Variants in TMEM182 observed in about 807,000 individuals in gnomAD.
The protein encoded by TMEM182 is transmembrane protein 182.
TMEM182 carries 20 observed loss-of-function variants against 26.8 expected under a neutral mutation model. The observed-to-expected ratio is 0.75, with a 90% CI of 0.53 to 1.09. The LOEUF is 1.09. TMEM182 is among the 50% of genes least tolerant of loss of function. The probability of loss-of-function intolerance (pLI) is 0.00; values close to 1 mark genes in which losing one functional copy is unlikely to be tolerated. For missense variants in TMEM182, 277 were observed against 275.5 expected (o/e 1.01, Z -0.04); for synonymous variants, 109 against 102.2 (o/e 1.07, Z -0.40).
At chr2:102,758,434 A>G (rs2104649681), upstream of TMEM182, 1 of 716,526 alleles carries the variant, frequency 1.4e-6, no homozygotes, top group East Asian at 2.7e-5. Context: ...GCAAATGTCC[A>G]ATTTTCTGAA....
chr2:102,756,831 T>G (rs1173290019), intron 1 of TMEM182, among the ~76,000 whole-genome samples: 1 of 151,850 alleles, frequency 6.6e-6, no homozygotes. Context: ...CCTTTTTTTT[T>G]GAGAGGGAGT....
At chr2:102,784,544 G>A (rs1681308764) in intron 3 of TMEM182, among the ~76,000 whole-genome samples, 1 of 152,142 alleles carries the variant, frequency 6.6e-6, no homozygotes, top group Non-Finnish European at 1.5e-5. Context: ...CCCAAGAGGG[G>A]GGTTTTTGGG....
chr2:102,842,985 C>A (rs1213552197), intron 3 of TMEM182, among the ~76,000 whole-genome samples: 1 of 152,134 alleles, frequency 6.6e-6, no homozygotes, highest in East Asian at 1.9e-4. Flanking sequence ...AGAGGGTGGG[C>A]TTTTGATACA....
chr2:102,801,508 C>G (rs886843299), intron 4 of TMEM182, among the ~76,000 whole-genome samples: 2 of 152,122 alleles, frequency 1.3e-5, no homozygotes, highest in African/African-American at 4.8e-5. Flanking sequence ...TGCGGTGCAG[C>G]CCAGATGGCT....
At chr2:102,751,441 G>A (rs1479531154) in intron 1 of TMEM182, among the ~76,000 whole-genome samples, 2 of 152,126 alleles carry the variant, frequency 1.3e-5, no homozygotes, top group South Asian at 2.1e-4. Flanking sequence ...AGATGGAGCC[G>A]CCATTTTGAA....
rs369314032 is a variant in TMEM182 at position 102,830,737 on chromosome 2, A to C, written c.326-12675A>C. ...TAAGTTATTGAAAAATATACAATTA[A>C]GTTATTATTGATTATAGTCACCCTA... is the stretch of plus-strand genomic sequence containing the variant. On this transcript the variant is annotated intron_variant, in intron 3 of 3. Coordinates refer to the TMEM182 transcript ENST00000486293. 4.6e-5 allele frequency among the ~76,000 whole-genome samples: 7 copies of C among 152,276 alleles called. No homozygotes were observed. In the East Asian group the frequency reaches 1.3e-3, roughly 29 times the overall value.
In TMEM182 at chr2:102,811,058, CAAAAAAAA is replaced by C. The variant is rs10629082; in HGVS notation, c.470-3673_470-3666del. 8.5e-5 allele frequency among the ~76,000 whole-genome samples: 8 copies of C among 94,442 alleles called. No individual in the cohort carries two copies. The East Asian group carries it at 1.7e-3, about 20-fold the overall frequency. The allele number at this position is 94,442 out of a possible 152,430, so 62.0% of individuals were successfully genotyped here. ...ACTATTCCATTAATGTCCTCTATAG[CAAAAAAAA>C]AAAAAAAAAAAAAAAATTCTAAATC... On this transcript the variant is annotated intron_variant, in intron 4 of 4. Transcript: ENST00000412401.
At chr2:102,758,481 C>T, upstream of TMEM182, 1 of 717,074 alleles carries the variant, frequency 1.4e-6, no homozygotes, top group Non-Finnish European at 2.6e-6. Flanking sequence ...ATGGTAAGCT[C>T]CATTTCATGT....
At chr2:102,747,867 T>G (rs912951349) in intron 1 of TMEM182, among the ~76,000 whole-genome samples, 6 of 152,188 alleles carry the variant, frequency 3.9e-5, no homozygotes, top group Non-Finnish European at 8.8e-5. Context: ...AGATGGAAAA[T>G]GCATTTGTCA....
chr2:102,776,271 G>A (rs1390115016), intron 3 of TMEM182, among the ~76,000 whole-genome samples: 2 of 152,150 alleles, frequency 1.3e-5, no homozygotes, highest in Non-Finnish European at 2.9e-5. Context: ...ATCCACCATA[G>A]TATCATACAG....
upstream of TMEM182, among the ~76,000 whole-genome samples, chr2:102,757,073 G>A (rs766813430): frequency 6.6e-5 from 10 of 152,094 alleles, no homozygotes; most frequent in Admixed American, 5.2e-4. Context: ...GCCTCCCAAA[G>A]TGCTGGGATT....
Position 102,737,038 on chromosome 2 carries a change from A to T in TMEM182, c.-83+25A>T. 3 of 538,766 alleles carry T rather than the reference A, an allele frequency of 5.6e-6. No homozygotes were observed. In the South Asian group the frequency reaches 7.5e-5, roughly 13 times the overall value. 33.4% of individuals were successfully genotyped at this position (538,766 alleles called of 1,614,324 possible). A position where few individuals can be genotyped will look rare whatever the true frequency, so the allele number is the denominator to read the frequency against. On this transcript the variant is annotated intron_variant, in intron 1 of 5. Coordinates refer to the TMEM182 transcript ENST00000409173. ...GGTAAGCACACACCAGTTTGTGATG[A>T]TAATGATGATGCTCTTTGTTTCCTC...
chr2:102,825,665 C>T (rs1655249951), intron 3 of TMEM182, among the ~76,000 whole-genome samples: 1 of 152,184 alleles, frequency 6.6e-6, no homozygotes, highest in Admixed American at 6.5e-5. Flanking sequence ...CAATTGAAAT[C>T]CTGTAAGAAC....
At chr2:102,758,558 T>A (rs1439653671), upstream of TMEM182, 1 of 704,940 alleles carries the variant, frequency 1.4e-6, no homozygotes, top group East Asian at 2.7e-5. Context: ...ACAGGAAACA[T>A]GCACCCTGCT....
At chr2:102,784,530 A>G (rs1036463865) in intron 3 of TMEM182, among the ~76,000 whole-genome samples, 1 of 152,244 alleles carries the variant, frequency 6.6e-6, no homozygotes, top group African/African-American at 2.4e-5. Flanking sequence ...GTCCAGATCC[A>G]GACCCCAAGA....
intron 3 of TMEM182, among the ~76,000 whole-genome samples, chr2:102,777,033 T>A (rs1166200561): frequency 2.0e-5 from 3 of 151,868 alleles, no homozygotes; most frequent in African/African-American, 7.3e-5. Flanking sequence ...TCTTTGCGTA[T>A]TTTCAGTACC....
At chr2:102,778,865 C>G (rs1001013610) in intron 3 of TMEM182, among the ~76,000 whole-genome samples, 4 of 152,124 alleles carry the variant, frequency 2.6e-5, no homozygotes, top group Admixed American at 2.6e-4. Flanking sequence ...CTTCAATCAT[C>G]AAACATTGTT....
chr2:102,825,368 A>G (rs1683013832), intron 3 of TMEM182, among the ~76,000 whole-genome samples: 1 of 152,250 alleles, frequency 6.6e-6, no homozygotes, highest in Non-Finnish European at 1.5e-5. Flanking sequence ...AGGTAACAAG[A>G]AGCAGGTAAT....
intron 1 of TMEM182, among the ~76,000 whole-genome samples, chr2:102,741,609 A>G (rs1436842947): frequency 6.6e-6 from 1 of 152,198 alleles, no homozygotes; most frequent in Non-Finnish European, 1.5e-5. Context: ...AAAAAAAGCT[A>G]AAAATGTTTT....
Sources: allele counts gnomAD v4.1 joint callset (sites outside exome capture counted in the v4.1 genomes callset), GRCh38; gene constraint gnomAD v4.1.1; transcripts MANE v1.5; gene names NCBI Gene and HGNC (gene_info 2026-07-23, HGNC 2026-07-21).